Variants in DRC11 observed in about 807,000 individuals in gnomAD.
The protein encoded by DRC11 is dynein regulatory complex subunit 11.
chr2:236,346,191 T>C, the DRC11 span, among the ~76,000 whole-genome samples: 2 of 152,116 alleles, frequency 1.3e-5, no homozygotes, highest in Admixed American at 1.3e-4. Flanking sequence ...CCTGAGCCAG[T>C]GTGGTGTGAT....
the DRC11 span, chr2:236,338,377 T>C: frequency 1.9e-6 from 3 of 1,606,480 alleles, no homozygotes; most frequent in Non-Finnish European, 2.5e-6. Context: ...GGCGTTTAGG[T>C]TCATTCTGGG....
At chr2:236,436,298 G>A in the DRC11 span, among the ~76,000 whole-genome samples, 3 of 151,994 alleles carry the variant, frequency 2.0e-5, no homozygotes, top group African/African-American at 7.2e-5. Context: ...TTTTTCCTCA[G>A]TTATCATATA....
the DRC11 span, among the ~76,000 whole-genome samples, chr2:236,471,711 T>C: frequency 1.3e-5 from 2 of 152,208 alleles, no homozygotes; most frequent in African/African-American, 2.4e-5. The surrounding 1 kb of genome is among the most constrained non-coding windows in gnomAD (Gnocchi z 4.6). Context: ...TTTGCATGTA[T>C]AGAAACTGTG....
the DRC11 span, chr2:236,408,908 C>A: frequency 4.5e-6 from 3 of 662,290 alleles, no homozygotes; most frequent in Admixed American, 4.3e-5. This position sits in a 1 kb window ranked among gnomAD's most constrained non-coding sequence, Gnocchi z 5.5. Context: ...TGACTTCTTG[C>A]ACGATGTGGG....
the DRC11 span, chr2:236,493,941 A>G: frequency 6.8e-7 from 1 of 1,471,742 alleles, no homozygotes; most frequent in Non-Finnish European, 9.1e-7. Flanking sequence ...CCAGGACTAG[A>G]ACTTTATTTA....
chr2:236,389,205 C>T, the DRC11 span, among the ~76,000 whole-genome samples: 762 of 152,326 alleles, frequency 5.0e-3, 2 homozygotes, highest in South Asian at 0.019. Flanking sequence ...TCGAGCTTCC[C>T]GGCTGCTTTG....
chr2:236,451,231 G>C, the DRC11 span, among the ~76,000 whole-genome samples: 6 of 151,814 alleles, frequency 4.0e-5, no homozygotes, highest in East Asian at 1.2e-3. Context: ...ATTATATTAG[G>C]GGCAAAGGTC....
the DRC11 span, among the ~76,000 whole-genome samples, chr2:236,380,224 C>G: frequency 3.3e-5 from 5 of 152,326 alleles, no homozygotes; most frequent in East Asian, 9.7e-4. This position sits in a 1 kb window ranked among gnomAD's most constrained non-coding sequence, Gnocchi z 4.9. Context: ...CAGAGGCGCT[C>G]GGGCAGATTC....
At chr2:236,378,237 G>T in the DRC11 span, among the ~76,000 whole-genome samples, 2 of 152,110 alleles carry the variant, frequency 1.3e-5, no homozygotes, top group African/African-American at 4.8e-5. Flanking sequence ...TGGAATTTAG[G>T]ATAGCAATAT....
At chr2:236,470,375 T>A in the DRC11 span, among the ~76,000 whole-genome samples, 1 of 152,208 alleles carries the variant, frequency 6.6e-6, no homozygotes, top group South Asian at 2.1e-4. This position sits in a 1 kb window ranked among gnomAD's most constrained non-coding sequence, Gnocchi z 5.1. Flanking sequence ...CAAATGACCA[T>A]CCTGTGAAAT....
the DRC11 span, among the ~76,000 whole-genome samples, chr2:236,309,801 C>T: frequency 1.3e-5 from 2 of 152,168 alleles, no homozygotes; most frequent in Non-Finnish European, 2.9e-5. The surrounding 1 kb of genome is among the most constrained non-coding windows in gnomAD (Gnocchi z 5.7). Flanking sequence ...CGGGCAGGTG[C>T]CCGACGGTCC....
the DRC11 span, chr2:236,419,164 T>C: frequency 6.5e-7 from 1 of 1,529,660 alleles, no homozygotes; most frequent in East Asian, 2.5e-5. This position sits in a 1 kb window ranked among gnomAD's most constrained non-coding sequence, Gnocchi z 4.8. Flanking sequence ...TTTTCTCCTT[T>C]GTTCCTTTCT....
At chr2:236,342,661 C>G in the DRC11 span, among the ~76,000 whole-genome samples, 1 of 151,636 alleles carries the variant, frequency 6.6e-6, no homozygotes, top group Non-Finnish European at 1.5e-5. This position sits in a 1 kb window ranked among gnomAD's most constrained non-coding sequence, Gnocchi z 5.8. Flanking sequence ...GGCATGCACA[C>G]GCAATGGTTT....
the DRC11 span, among the ~76,000 whole-genome samples, chr2:236,325,802 C>T: frequency 6.6e-6 from 1 of 152,108 alleles, no homozygotes; most frequent in Non-Finnish European, 1.5e-5. The surrounding 1 kb of genome is among the most constrained non-coding windows in gnomAD (Gnocchi z 4.4). Flanking sequence ...GGGGTTTCAC[C>T]ATGTTGGCCA....
At chr2:236,321,882 T>C in the DRC11 span, among the ~76,000 whole-genome samples, 1 of 152,106 alleles carries the variant, frequency 6.6e-6, no homozygotes. Flanking sequence ...ACCACCAACT[T>C]CACACTCATA....
chr2:236,334,550 G>C, the DRC11 span, among the ~76,000 whole-genome samples: 1 of 152,170 alleles, frequency 6.6e-6, no homozygotes, highest in Non-Finnish European at 1.5e-5. The surrounding 1 kb of genome is among the most constrained non-coding windows in gnomAD (Gnocchi z 7.8). Flanking sequence ...GAGGCAAAAG[G>C]CTCCTCACAT....
chr2:236,340,779 A>T, the DRC11 span, among the ~76,000 whole-genome samples: 19 of 152,202 alleles, frequency 1.2e-4, no homozygotes, highest in Non-Finnish European at 2.5e-4. Context: ...TGGCAGGGAC[A>T]TTTGAAATGA....
At chr2:236,388,806 G>C in the DRC11 span, among the ~76,000 whole-genome samples, 30 of 149,482 alleles carry the variant, frequency 2.0e-4, no homozygotes, top group African/African-American at 6.9e-4. Context: ...TCTACTTTTG[G>C]TCTTTGATGA....
At chr2:236,358,784 A>G in the DRC11 span, among the ~76,000 whole-genome samples, 3 of 149,304 alleles carry the variant, frequency 2.0e-5, no homozygotes, top group Non-Finnish European at 4.5e-5. Context: ...CAAAAATGCA[A>G]GAGAACCAGA....
Sources: allele counts gnomAD v4.1 joint callset (sites outside exome capture counted in the v4.1 genomes callset), GRCh38; gene constraint gnomAD v4.1.1; non-coding constraint Gnocchi (gnomAD v3.1); transcripts MANE v1.5; gene names NCBI Gene and HGNC (gene_info 2026-07-23, HGNC 2026-07-21).